The following PCDHGA4 variants were observed in gnomAD, a reference collection of about 807,000 sequenced individuals.
PCDHGA4 encodes the protein protocadherin gamma subfamily A, 4.
In PCDHGA4, 38 loss-of-function variants were observed where a neutral mutation model predicts 54.6. The ratio of observed to expected loss-of-function variants is 0.70; its 90% confidence interval spans 0.54 to 0.91. The LOEUF is 0.91. PCDHGA4 is among the 40% of genes least tolerant of loss of function. The pLI, the probability that PCDHGA4 is intolerant of heterozygous loss-of-function variation, is 0.00. For missense variants in PCDHGA4, 1,298 were observed against 1,220.9 expected (o/e 1.06, Z -0.94); for synonymous variants, 511 against 512.9 (o/e 1.00, Z 0.05).
intron 1 of PCDHGA4, chr5:141,392,857 T>C: frequency 5.0e-6 from 8 of 1,612,536 alleles, no homozygotes; most frequent in Non-Finnish European, 6.8e-6. Flanking sequence ...GAGCTGATCC[T>C]GCTGTGCGCG....
At position 141,512,091 on chromosome 5, in the gene PCDHGA4, A is replaced by C. The variant is rs1329025049; in HGVS notation, c.*918A>C. On this transcript the variant is annotated 3_prime_UTR_variant, in exon 4 of 4. Transcript: ENST00000571252. The stretch of plus-strand genomic sequence containing the variant: ...TCCAGATTCCAGCCATAAACCAATA[A>C]CTAGGCTGGACCCTTCCCACTACAT... 1 of 152,656 alleles carries C rather than the reference A, an allele frequency of 6.6e-6. No homozygotes were observed. The highest frequency in any genetic ancestry group is 2.4e-5 in the African/African-American group (1 of 41,456). 9.5% of individuals were successfully genotyped at this position (152,656 alleles called of 1,614,324 possible). A position where few individuals can be genotyped will look rare whatever the true frequency, so the allele number is the denominator to read the frequency against.
At chr5:141,399,613 G>C (rs752648693) in intron 1 of PCDHGA4, 1 of 1,613,928 alleles carries the variant, frequency 6.2e-7, no homozygotes, top group South Asian at 1.1e-5. Context: ...AGAGCCTCTG[G>C]CACTGGCCTC....
chr5:141,455,822 CCCCTTTTCCTGT>C (rs2098832641), intron 1 of PCDHGA4, among the ~76,000 whole-genome samples: 2 of 151,688 alleles, frequency 1.3e-5, no homozygotes, highest in African/African-American at 4.8e-5. Flanking sequence ...TTCCCAAGGA[CCCCTTTTCCTGT>C]CTATCTGCAT....
At chr5:141,383,583 C>A (rs1282205134) in intron 1 of PCDHGA4, 11 of 1,613,640 alleles carry the variant, frequency 6.8e-6, no homozygotes, top group Non-Finnish European at 9.3e-6. Context: ...CCGCCCACAT[C>A]CAGGTGACAG....
chr5:141,409,887 T>C, intron 1 of PCDHGA4: 2 of 1,613,062 alleles, frequency 1.2e-6, no homozygotes, highest in Admixed American at 1.7e-5. Context: ...GCACCGCGGG[T>C]GCTGTACCCA....
chr5:141,365,954 C>T lies in PCDHGA4; in HGVS notation c.2514+8333C>T, dbSNP rs553082212. 5.6e-6 allele frequency: 9 copies of T among 1,614,236 alleles called. No homozygotes were observed. The East Asian group carries it at 1.3e-4, about 24-fold the overall frequency. ...AGCCAGCGACAGTGGGAACCCTCCA[C>T]TTAGCAGCAACGTGTCGCTGAGCCT... On this transcript the variant is annotated intron_variant, in intron 1 of 3. Coordinates refer to ENST00000571252, the MANE Select transcript of PCDHGA4 (RefSeq NM_018917.4).
intron 1 of PCDHGA4, chr5:141,364,905 C>T (rs1326447228): frequency 2.5e-6 from 4 of 1,613,944 alleles, no homozygotes; most frequent in African/African-American, 2.7e-5. Context: ...CAAAAGTATC[C>T]GGAGCTGGTG....
intron 1 of PCDHGA4, chr5:141,442,197 A>G (rs1267971703): frequency 1.3e-5 from 2 of 153,426 alleles, no homozygotes; most frequent in African/African-American, 4.8e-5. Context: ...ATTAATTTAT[A>G]TCTGGTGATT....
intron 1 of PCDHGA4, chr5:141,384,205 A>T: frequency 6.2e-7 from 1 of 1,613,874 alleles, no homozygotes; most frequent in Non-Finnish European, 8.5e-7. Context: ...GTCCAGGGAA[A>T]CTCACATATT....
chr5:141,434,026 A>G (rs2154556044), intron 1 of PCDHGA4, among the ~76,000 whole-genome samples: 1 of 152,236 alleles, frequency 6.6e-6, no homozygotes, highest in Admixed American at 6.5e-5. Flanking sequence ...TGATTCTGGA[A>G]GCATGGTTTT....
At chr5:141,495,286 A>T (rs1341490472) in intron 2 of PCDHGA4, among the ~76,000 whole-genome samples, 2 of 152,088 alleles carry the variant, frequency 1.3e-5, no homozygotes, top group Non-Finnish European at 2.9e-5. Context: ...GGCGGTCCGC[A>T]CTCAGCGCCT....
chr5:141,469,573 CTAAA>C (rs1209972534), intron 1 of PCDHGA4, among the ~76,000 whole-genome samples: 2 of 151,554 alleles, frequency 1.3e-5, no homozygotes, highest in Non-Finnish European at 2.9e-5. Flanking sequence ...GACTCTGTCT[CTAAA>C]TAAATAAATA....
chr5:141,432,949 C>A lies in PCDHGA4; in HGVS notation c.2515-61858C>A, dbSNP rs764998032. ...CACGCCTGCTGCAGGCTTCAGGAGG[C>A]GGCTTGACAGGAGCGCCGGCGTCGC... On this transcript the variant is annotated intron_variant, in intron 1 of 3. Transcript: ENST00000571252. This position sits in a 1 kb window ranked among gnomAD's most constrained non-coding sequence, Gnocchi z 6.0. The A allele has an allele frequency of 1.9e-6, 3 of 1,614,184 alleles. No homozygotes were observed. The highest frequency in any genetic ancestry group is 2.5e-6 in the Non-Finnish European group (3 of 1,180,040).
intron 1 of PCDHGA4, chr5:141,394,343 C>T: frequency 1.2e-6 from 2 of 1,614,158 alleles, no homozygotes; most frequent in African/African-American, 1.3e-5. Context: ...TCAACTCTGA[C>T]ACCGGTGTCC....
chr5:141,478,148 C>T lies in PCDHGA4; in HGVS notation c.2515-16659C>T, dbSNP rs752958567. ...CTCTCCTGAAGCCCGAGCCGAGTTC[C>T]CCTCTGGCTCTGCCCCCCGGGAGCA... On this transcript the variant is annotated intron_variant, in intron 1 of 3. Coordinates refer to ENST00000571252, the MANE Select transcript of PCDHGA4 (RefSeq NM_018917.4). 3.1e-6 allele frequency: 5 copies of T among 1,613,948 alleles called. No homozygotes were observed. The highest frequency in any genetic ancestry group is 1.6e-4 in the Middle Eastern group (1 of 6,082).
At chr5:141,434,807 A>G (rs2097718601) in intron 1 of PCDHGA4, among the ~76,000 whole-genome samples, 1 of 152,016 alleles carries the variant, frequency 6.6e-6, no homozygotes, top group South Asian at 2.1e-4. Context: ...AGCTTGGAGA[A>G]ATATATCCCT....
chr5:141,511,560 T>C lies in PCDHGA4; in HGVS notation c.*387T>C. ...CCACCCCACTCCAACAGTTCCTCTT[T>C]CCCGAGTAAGGTGGTTGGGGTGTTG... On this transcript the variant is annotated 3_prime_UTR_variant, in exon 4 of 4. Coordinates refer to ENST00000571252, the MANE Select transcript of PCDHGA4 (RefSeq NM_018917.4). The C allele has an allele frequency of 3.3e-6, 1 of 298,990 alleles. No homozygotes were observed. The highest frequency in any genetic ancestry group is 3.7e-5 in the South Asian group (1 of 27,250). The allele number at this position is 298,990 out of a possible 1,614,324, so 18.5% of individuals were successfully genotyped here.
At position 141,385,291 on chromosome 5, in the gene PCDHGA4, C is replaced by T. The variant is rs375490912; in HGVS notation, c.2514+27670C>T. On this transcript the variant is annotated intron_variant, in intron 1 of 3. Coordinates refer to ENST00000571252, the MANE Select transcript of PCDHGA4 (RefSeq NM_018917.4). ...TTCTTTGCTAACATCCGTAGATTTT[C>T]AGGAATGTAAAGAAAACCTGCCAAG... 1.3e-5 allele frequency: 21 copies of T among 1,613,668 alleles called. No individual in the cohort carries two copies. In the African/African-American group the frequency reaches 2.7e-4, roughly 20 times the overall value.
At chr5:141,386,849 C>G (rs1259863561) in intron 1 of PCDHGA4, among the ~76,000 whole-genome samples, 1 of 152,200 alleles carries the variant, frequency 6.6e-6, no homozygotes, top group Non-Finnish European at 1.5e-5. Context: ...AATCACTAAA[C>G]TCAGTGAGCT....
Sources: gnomAD v4.1 joint callset for allele counts (sites outside exome capture counted in the v4.1 genomes callset) on GRCh38, gnomAD v4.1.1 for gene constraint, Gnocchi (gnomAD v3.1) non-coding constraint, MANE v1.5 for transcripts, NCBI Gene and HGNC (gene_info 2026-07-23, HGNC 2026-07-21) for gene names.